The following CEP112 variants were observed in gnomAD, a reference collection of about 807,000 sequenced individuals.
CEP112 encodes centrosomal protein 112, also known as centrosomal protein of 112 kDa.
In CEP112, 127 loss-of-function variants were observed where a neutral mutation model predicts 153.0. That is an observed-to-expected ratio of 0.83 (90% CI 0.72 to 0.96). The LOEUF (loss-of-function observed/expected upper bound fraction) is 0.96, where lower values mean the gene tolerates loss of function less well. Ranked by LOEUF, CEP112 falls within the 40% of genes least tolerant of loss-of-function variation. The pLI, the probability that CEP112 is intolerant of heterozygous loss-of-function variation, is 0.00. For synonymous variants in CEP112, 358 were observed against 374.4 expected (o/e 0.96, Z 0.51); for missense variants, 1,089 against 1,101.2 (o/e 0.99, Z 0.16).
chr17:65,864,217 G>A lies in CEP112; in HGVS notation c.2164-12183C>T, dbSNP rs544946360. ...CAGATCTTTCAGATTTTTGATCCTC[G>A]GGCAGTTTGCCACTCCATGTGTCCA... On this transcript the variant is annotated intron_variant, in intron 20 of 26. Transcript: ENST00000535342. Among the ~76,000 whole-genome samples the A allele has an allele frequency of 2.2e-4, 33 of 151,694 alleles. No homozygotes were observed. In the South Asian group the frequency reaches 3.8e-3, roughly 17 times the overall value.
At chr17:66,030,167 C>T (rs1415943074) in intron 12 of CEP112, 144 bp from the exon 13 acceptor site, 3 of 626,312 alleles carry the variant, frequency 4.8e-6, no homozygotes, top group African/African-American at 3.7e-5. Context: ...ATTAAATCAA[C>T]CTTGAACTTA....
chr17:65,813,455 G>A (rs1426395020), intron 21 of CEP112, among the ~76,000 whole-genome samples: 1 of 152,190 alleles, frequency 6.6e-6, no homozygotes, highest in Non-Finnish European at 1.5e-5. Flanking sequence ...AACAGGAGCT[G>A]CTTCTATCTT....
At chr17:65,812,910 G>A (rs965180386) in intron 21 of CEP112, among the ~76,000 whole-genome samples, 1 of 152,090 alleles carries the variant, frequency 6.6e-6, no homozygotes, top group African/African-American at 2.4e-5. Context: ...ACTTTTCTAG[G>A]ATTGAAAACA....
intron 21 of CEP112, among the ~76,000 whole-genome samples, chr17:65,763,699 C>T (rs1477548905): frequency 6.6e-6 from 1 of 151,898 alleles, no homozygotes; most frequent in Non-Finnish European, 1.5e-5. Flanking sequence ...TTACACTGCC[C>T]ATCTCTTCTT....
At chr17:65,968,607 G>A (rs1452823210) in intron 17 of CEP112, among the ~76,000 whole-genome samples, 2 of 152,178 alleles carry the variant, frequency 1.3e-5, no homozygotes, top group African/African-American at 4.8e-5. Context: ...TGATGAAGCA[G>A]AGTGAACATT....
rs543214278 is a variant in CEP112, at chr17:65,894,064, A to G, written c.2163+8088T>C. Among the ~76,000 whole-genome samples the G allele has an allele frequency of 3.4e-3, 524 of 152,280 alleles. 6 individuals are homozygous for G. The highest frequency in any genetic ancestry group is 3.9e-3 in the South Asian group (19 of 4,832). On this transcript the variant is annotated intron_variant, in intron 20 of 26. Coordinates refer to ENST00000535342, the MANE Select transcript of CEP112 (RefSeq NM_001199165.4). ...CAGAAATCCAAAAATGACTTTTCCA[A>G]GACATTAAGGAAGAAGAGTTATTCA...
At chr17:65,784,573 C>T (rs372716282) in intron 21 of CEP112, among the ~76,000 whole-genome samples, 21 of 152,192 alleles carry the variant, frequency 1.4e-4, no homozygotes, top group South Asian at 1.0e-3. Flanking sequence ...CTCTGCCTCC[C>T]GGGTTCACGC....
intron 21 of CEP112, among the ~76,000 whole-genome samples, chr17:65,788,364 GCTTTTTA>G (rs1238476161): frequency 6.6e-6 from 1 of 152,092 alleles, no homozygotes; most frequent in Non-Finnish European, 1.5e-5. Context: ...TATGTAATTT[GCTTTTTA>G]CTGTTCCTGG....
At chr17:66,060,647 C>T (rs527357840) in intron 11 of CEP112, among the ~76,000 whole-genome samples, 3 of 152,136 alleles carry the variant, frequency 2.0e-5, no homozygotes, top group South Asian at 4.2e-4. Context: ...CAAGAACATA[C>T]AATGGGGAAA....
intron 4 of CEP112, among the ~76,000 whole-genome samples, chr17:66,160,124 G>A (rs1045784544): frequency 5.3e-5 from 8 of 152,170 alleles, no homozygotes; most frequent in African/African-American, 1.9e-4. Flanking sequence ...ATCTAGGAAT[G>A]CAACTTATAA....
chr17:65,925,920 CT>C (rs2060905081), intron 19 of CEP112, among the ~76,000 whole-genome samples: 1 of 152,120 alleles, frequency 6.6e-6, no homozygotes, highest in African/African-American at 2.4e-5. Context: ...TGAAATAAGC[CT>C]TTTTTGTTCT....
intron 4 of CEP112, among the ~76,000 whole-genome samples, chr17:66,157,705 CAAAAA>C (rs370026993): frequency 2.1e-5 from 2 of 93,808 alleles, no homozygotes; most frequent in Non-Finnish European, 3.9e-5. Flanking sequence ...AAATGGAAAG[CAAAAA>C]AAAAAAAAAA....
chr17:65,744,235 TTTTG>T (rs71160503), intron 22 of CEP112, among the ~76,000 whole-genome samples: 9,081 of 149,476 alleles, frequency 0.061, 515 homozygotes, highest in African/African-American at 0.15. Flanking sequence ...TTTTTGTGTT[TTTTG>T]TTTGTTTGTT....
intron 16 of CEP112, among the ~76,000 whole-genome samples, chr17:66,014,776 A>T (rs2064700295): frequency 6.6e-6 from 1 of 152,148 alleles, no homozygotes; most frequent in South Asian, 2.1e-4. Flanking sequence ...CTTTCAGCCC[A>T]GTGTCTCTGT....
At chr17:65,686,619 C>T (rs2047807700) in intron 24 of CEP112, among the ~76,000 whole-genome samples, 2 of 152,174 alleles carry the variant, frequency 1.3e-5, no homozygotes, top group Admixed American at 1.3e-4. Flanking sequence ...CTCAGTTGAC[C>T]TTCAGTGACA....
intron 23 of CEP112, among the ~76,000 whole-genome samples, chr17:65,725,531 G>A (rs1451810849): frequency 1.3e-5 from 2 of 152,166 alleles, no homozygotes; most frequent in African/African-American, 4.8e-5. Context: ...TGGCCAGGCT[G>A]GTCTGGAACT....
chr17:66,081,683 G>A (rs1034857425), intron 8 of CEP112, among the ~76,000 whole-genome samples: 1 of 151,248 alleles, frequency 6.6e-6, no homozygotes, highest in African/African-American at 2.4e-5. Flanking sequence ...CCGGGAGGCC[G>A]AGGCAGGTGG....
intron 21 of CEP112, among the ~76,000 whole-genome samples, chr17:65,776,547 T>C (rs569083707): frequency 6.6e-6 from 1 of 152,332 alleles, no homozygotes; most frequent in South Asian, 2.1e-4. Context: ...TTATAGTTAG[T>C]ATGTGATCAC....
chr17:65,802,326 T>G (rs955562255), intron 21 of CEP112, among the ~76,000 whole-genome samples: 1 of 152,188 alleles, frequency 6.6e-6, no homozygotes, highest in South Asian at 2.1e-4. Context: ...CCCTTTTCTC[T>G]TATTCCACAA....
Sources: allele counts gnomAD v4.1 joint callset (sites outside exome capture counted in the v4.1 genomes callset), GRCh38; gene constraint gnomAD v4.1.1; transcripts MANE v1.5; gene names NCBI Gene and HGNC (gene_info 2026-07-23, HGNC 2026-07-21).